The following FXR1 variants were observed in gnomAD, a reference collection of about 807,000 sequenced individuals.
FXR1 encodes RNA-binding protein FXR1.
In FXR1, 15 loss-of-function variants were observed where a neutral mutation model predicts 84.0. The observed-to-expected ratio is 0.18, with a 90% confidence interval of 0.12 to 0.27. FXR1 has a LOEUF of 0.27. Ranked by LOEUF, FXR1 falls within the 10% of genes least tolerant of loss-of-function variation. FXR1 has a pLI of 1.00. For synonymous variants in FXR1, 245 were observed against 250.7 expected (o/e 0.98, Z 0.21); for missense variants, 480 against 774.4 (o/e 0.62, Z 4.51).
At chr3:180,924,201 C>T (rs898447907) in intron 1 of FXR1, among the ~76,000 whole-genome samples, 2 of 152,108 alleles carry the variant, frequency 1.3e-5, no homozygotes, top group Admixed American at 6.5e-5. Flanking sequence ...CTGCCTGCCT[C>T]GACCTCCCAA....
intron 3 of FXR1, among the ~76,000 whole-genome samples, chr3:180,938,652 G>C (rs1452040771): frequency 6.6e-6 from 1 of 151,994 alleles, no homozygotes; most frequent in African/African-American, 2.4e-5. Context: ...GGGTTCAAGC[G>C]ATTCTCCTGC....
intron 11 of FXR1, 83 bp from the exon 12 acceptor site, chr3:180,962,800 A>C (rs949670888): frequency 4.7e-6 from 4 of 858,940 alleles, no homozygotes. Context: ...CAGCTTTGAT[A>C]GGGAGTACAG....
chr3:180,924,772 G>T (rs569409739), intron 1 of FXR1, among the ~76,000 whole-genome samples: 1 of 152,102 alleles, frequency 6.6e-6, no homozygotes. Flanking sequence ...GATTACAGGC[G>T]TGAGCCACCG....
At chr3:180,926,442 G>A (rs1161812207) in intron 1 of FXR1, among the ~76,000 whole-genome samples, 2 of 147,916 alleles carry the variant, frequency 1.4e-5, no homozygotes, top group East Asian at 3.9e-4. Context: ...GTTAAGCCAA[G>A]GGTAGTTCCT....
At chr3:180,927,097 C>G (rs777937672) in intron 1 of FXR1, among the ~76,000 whole-genome samples, 1 of 151,960 alleles carries the variant, frequency 6.6e-6, no homozygotes, top group Non-Finnish European at 1.5e-5. Context: ...CTTTGGGAAC[C>G]TTGCCTTAAA....
chr3:180,946,198 C>G (rs904725683), intron 3 of FXR1, among the ~76,000 whole-genome samples: 2 of 152,134 alleles, frequency 1.3e-5, no homozygotes, highest in Non-Finnish European at 2.9e-5. Flanking sequence ...GATGTGATAC[C>G]TCAGGCTATG....
chr3:180,966,890 T>G (rs531358678), intron 13 of FXR1, among the ~76,000 whole-genome samples: 88 of 152,342 alleles, frequency 5.8e-4, no homozygotes, highest in African/African-American at 2.0e-3. Context: ...ATGATAGTGA[T>G]TGAGTCATAT....
intron 1 of FXR1, among the ~76,000 whole-genome samples, chr3:180,923,156 C>T (rs971626683): frequency 2.0e-5 from 3 of 152,128 alleles, no homozygotes; most frequent in Admixed American, 2.0e-4. Context: ...ATGTATTAAT[C>T]ATCTCTGTTT....
At chr3:180,958,239 AT>A (rs1016721233) in intron 10 of FXR1, among the ~76,000 whole-genome samples, 13 of 150,432 alleles carry the variant, frequency 8.6e-5, no homozygotes, top group African/African-American at 2.4e-4. Flanking sequence ...TCCAAAAGGA[AT>A]TTTTTTTTTC....
At chr3:180,935,419 A>G (rs374639817) in intron 3 of FXR1, among the ~76,000 whole-genome samples, 188 bp downstream of exon 3, 1 of 152,288 alleles carries the variant, frequency 6.6e-6, no homozygotes, top group South Asian at 2.1e-4. Context: ...CACCTGTCCC[A>G]TTTTTAGCTT....
intron 15 of FXR1, chr3:180,971,449 G>GA (rs1713573899): frequency 1.3e-5 from 2 of 154,370 alleles, no homozygotes; most frequent in Non-Finnish European, 2.9e-5. Flanking sequence ...TCACACTTGA[G>GA]ATGGGGCCTG....
chr3:180,968,042 T>C lies in FXR1; in HGVS notation c.1199-9T>C. ...AATCTAAGTGGTTTATGTTCTTTTCTTTTCCAAGGTACAAATTCTGAGCTG... is the reference window on the plus strand; with the variant it reads ...AATCTAAGTGGTTTATGTTCTTTTCCTTTCCAAGGTACAAATTCTGAGCTG... On this transcript the variant is annotated splice_polypyrimidine_tract_variant and intron_variant, in intron 13 of 16. Transcript: ENST00000357559. 1 of 1,584,036 alleles carries C rather than the reference T, an allele frequency of 6.3e-7. No individual in the cohort carries two copies. Among genetic ancestry groups the C allele is most frequent in the Non-Finnish European group, 8.7e-7 (1 of 1,153,476 alleles).
At chr3:180,959,663 T>G (rs1443850339) in intron 10 of FXR1, among the ~76,000 whole-genome samples, 1 of 151,424 alleles carries the variant, frequency 6.6e-6, no homozygotes, top group African/African-American at 2.4e-5. Flanking sequence ...TTTTATTCAC[T>G]TTGAATGCCC....
In FXR1 at chr3:180,978,698, T is replaced by C. The variant is rs1227135116; in HGVS notation, c.*2406T>C. ...TCAGTTCTGGGCCACTGAGACCCTCTTTAAAGAGAAGGAAAAAAAGGTATT... is the reference window on the plus strand; with the variant it reads ...TCAGTTCTGGGCCACTGAGACCCTCCTTAAAGAGAAGGAAAAAAAGGTATT... On this transcript the variant is annotated 3_prime_UTR_variant, in exon 17 of 17. Transcript: ENST00000357559. 6.6e-6 allele frequency: 1 copy of C among 152,112 alleles called. No homozygotes were observed. The highest frequency in any genetic ancestry group is 1.5e-5 in the Non-Finnish European group (1 of 67,978). The allele number at this position is 152,112 out of a possible 1,614,324, so 9.4% of individuals were successfully genotyped here.
chr3:180,932,694 T>A (rs1203677643), intron 1 of FXR1, among the ~76,000 whole-genome samples: 2 of 152,226 alleles, frequency 1.3e-5, no homozygotes, highest in Non-Finnish European at 1.5e-5. Flanking sequence ...TAGCCCAATT[T>A]TCTTTTAAGG....
intron 13 of FXR1, 98 bp from the exon 14 acceptor site, chr3:180,967,953 A>G: frequency 1.3e-6 from 1 of 767,674 alleles, no homozygotes; most frequent in Non-Finnish European, 2.3e-6. Flanking sequence ...GCCAAACAGT[A>G]TTGCTTATTT....
intron 1 of FXR1, among the ~76,000 whole-genome samples, chr3:180,928,863 T>C (rs1719547233): frequency 1.3e-5 from 2 of 152,310 alleles, no homozygotes; most frequent in African/African-American, 4.8e-5. Flanking sequence ...TTTTCACTGC[T>C]CAAGGATTCC....
intron 3 of FXR1, among the ~76,000 whole-genome samples, chr3:180,936,306 C>T (rs112752841): frequency 0.024 from 3,633 of 152,278 alleles, 82 homozygotes; most frequent in African/African-American, 0.062. Context: ...CTCACTCTGT[C>T]GCCTAAGCTG....
chr3:180,925,906 A>G (rs969107873), intron 1 of FXR1, among the ~76,000 whole-genome samples: 1 of 152,222 alleles, frequency 6.6e-6, no homozygotes, highest in Non-Finnish European at 1.5e-5. Flanking sequence ...ATTTATCCAC[A>G]TCAGTAATAT....
Sources: allele counts gnomAD v4.1 joint callset (sites outside exome capture counted in the v4.1 genomes callset), GRCh38; gene constraint gnomAD v4.1.1; transcripts MANE v1.5; gene names NCBI Gene and HGNC (gene_info 2026-07-23, HGNC 2026-07-21).